Variants in CLMN observed in about 807,000 individuals in gnomAD.
CLMN encodes the protein calmin (calponin-like, transmembrane).
In CLMN, 57 loss-of-function variants were observed where a neutral mutation model predicts 92.7. The ratio of observed to expected loss-of-function variants is 0.61; its 90% CI spans 0.50 to 0.77. The LOEUF is 0.77. CLMN is among the 30% of genes least tolerant of loss of function. The pLI, the probability that CLMN is intolerant of heterozygous loss-of-function variation, is 0.00. For missense variants in CLMN, 1,158 were observed against 1,237.5 expected, an observed-to-expected ratio of 0.94 and a Z score of 0.96; for synonymous variants, 466 against 470.6, an observed-to-expected ratio of 0.99 and a Z score of 0.13.
At chr14:95,228,771 T>C (rs1355015441) in intron 2 of CLMN, among the ~76,000 whole-genome samples, 1 of 152,058 alleles carries the variant, frequency 6.6e-6, no homozygotes, top group Non-Finnish European at 1.5e-5. Flanking sequence ...ACCTCCTGGG[T>C]TCAAGCGATT....
intron 8 of CLMN, among the ~76,000 whole-genome samples, chr14:95,204,730 T>G (rs935422853): frequency 6.6e-6 from 1 of 152,220 alleles, no homozygotes. Context: ...TTTAAAAAGC[T>G]ATGGATTAAC....
intron 1 of CLMN, among the ~76,000 whole-genome samples, chr14:95,309,284 T>C (rs371306045): frequency 6.6e-6 from 1 of 152,206 alleles, no homozygotes; most frequent in South Asian, 2.1e-4. Flanking sequence ...CTAAATAAAC[T>C]GTGATATTTC....
chr14:95,306,105 C>G (rs1381122387), intron 1 of CLMN, among the ~76,000 whole-genome samples: 1 of 152,084 alleles, frequency 6.6e-6, no homozygotes, highest in African/African-American at 2.4e-5. Context: ...AGGAGAGAAG[C>G]GAGGGGGACC....
chr14:95,222,244 C>T lies in CLMN; in HGVS notation c.241-470G>A, dbSNP rs554138210. Among the ~76,000 whole-genome samples the T allele has an allele frequency of 1.1e-3, 175 of 152,268 alleles. 2 individuals carry two copies. The highest frequency in any genetic ancestry group is 3.9e-3 in the South Asian group (19 of 4,820). On this transcript the variant is annotated intron_variant, in intron 3 of 12. Coordinates refer to ENST00000298912, the MANE Select transcript of CLMN (RefSeq NM_024734.4). ...ATCCAGCCGAGGTCCTCCCCAGTGG[C>T]GGCAGATGTTTCTGTTTTCTAGCCA...
At chr14:95,233,839 C>A (rs138910551) in intron 1 of CLMN, among the ~76,000 whole-genome samples, 3 of 152,252 alleles carry the variant, frequency 2.0e-5, no homozygotes, top group Admixed American at 2.0e-4. Flanking sequence ...GGTTTCACTT[C>A]TGCTCTAGCC....
chr14:95,275,556 T>C (rs1053799418), intron 1 of CLMN, among the ~76,000 whole-genome samples: 1 of 152,146 alleles, frequency 6.6e-6, no homozygotes, highest in Admixed American at 6.5e-5. Context: ...TCCTGAAAAC[T>C]CATAAATAAT....
At chr14:95,279,999 G>T (rs985400731) in intron 1 of CLMN, among the ~76,000 whole-genome samples, 9 of 152,016 alleles carry the variant, frequency 5.9e-5, no homozygotes, top group Admixed American at 3.3e-4. Context: ...AGTATAAAGG[G>T]TTAAAGGATT....
In CLMN at chr14:95,190,452, G is replaced by C. The variant is rs1473016186; in HGVS notation, c.*1112C>G. 1 of 152,470 alleles carries C rather than the reference G, an allele frequency of 6.6e-6. No homozygotes were observed. Among genetic ancestry groups the C allele is most frequent in the Non-Finnish European group, 1.5e-5 (1 of 68,238 alleles). The allele number at this position is 152,470 out of a possible 1,614,324, so 9.4% of individuals were successfully genotyped here. A position where few individuals can be genotyped will look rare whatever the true frequency, so the allele number is the denominator to read the frequency against. On this transcript the variant is annotated 3_prime_UTR_variant, in exon 13 of 13. Transcript: ENST00000298912. The stretch of plus-strand genomic sequence containing the variant: ...CCTGGTACATGCTTTCTGAAGGGGA[G>C]AGCAAGGGGAGGAGGAACCAATGCA...
chr14:95,182,961 G>C lies in CLMN; in HGVS notation c.*8603C>G, dbSNP rs1397808950. The C allele has an allele frequency of 6.6e-6, 1 of 152,218 alleles. No individual in the cohort carries two copies. The highest frequency in any genetic ancestry group is 1.5e-5 in the Non-Finnish European group (1 of 68,052). The allele number at this position is 152,218 out of a possible 1,614,324, so 9.4% of individuals were successfully genotyped here. On this transcript the variant is annotated 3_prime_UTR_variant, in exon 13 of 13. Transcript: ENST00000298912. ...ACTCTTCCCAAAGGCACCTTTCTCA[G>C]ATACTAAAGCCAAGAAGCACTGCCC...
intron 1 of CLMN, among the ~76,000 whole-genome samples, chr14:95,268,425 T>C (rs1384811697): frequency 1.3e-5 from 2 of 151,762 alleles, no homozygotes; most frequent in African/African-American, 2.4e-5. Context: ...CCATGATTCT[T>C]ACTGATACAA....
At position 95,210,801 on chromosome 14, in the gene CLMN, G is replaced by A. The variant is rs774066625; in HGVS notation, c.687C>T (p.Asp229=). The A allele has an allele frequency of 1.3e-6, 2 of 1,593,672 alleles. No homozygotes were observed. Among genetic ancestry groups the A allele is most frequent in the East Asian group, 2.3e-5 (1 of 43,322 alleles). Residue 229 remains aspartate (D), a synonymous_variant, in exon 7 of 13, where the codon GAC becomes GAT. Coordinates refer to ENST00000298912, the MANE Select transcript of CLMN (RefSeq NM_024734.4). ...CCTGTTTCATGTCCACCAGGCTGGG[G>A]TCAATGGCCTTGATCACCGCCAGGA... ...LAFLAVIKAI[D]PSLVDMKQAL...
intron 1 of CLMN, among the ~76,000 whole-genome samples, chr14:95,241,161 C>A (rs904670055): frequency 6.6e-6 from 1 of 151,986 alleles, no homozygotes; most frequent in African/African-American, 2.4e-5. Flanking sequence ...TAATAAAACC[C>A]CACACTCACC....
intron 2 of CLMN, among the ~76,000 whole-genome samples, chr14:95,225,766 A>T (rs1428234160): frequency 1.3e-5 from 2 of 152,196 alleles, no homozygotes; most frequent in Non-Finnish European, 2.9e-5. Context: ...CCTAAACAGG[A>T]TCTAGAGTGT....
intron 1 of CLMN, among the ~76,000 whole-genome samples, chr14:95,293,659 G>A (rs1025428629): frequency 1.3e-4 from 19 of 151,998 alleles, no homozygotes; most frequent in African/African-American, 4.3e-4. Context: ...ACATGTGGGT[G>A]TACTGCGCCC....
chr14:95,244,343 T>C (rs902507880), intron 1 of CLMN, among the ~76,000 whole-genome samples: 1 of 152,154 alleles, frequency 6.6e-6, no homozygotes, highest in Non-Finnish European at 1.5e-5. Context: ...GCAGCTCTAG[T>C]AGCCTAATTT....
At chr14:95,237,913 AGCGTCCTTG>A (rs1207181310) in intron 1 of CLMN, among the ~76,000 whole-genome samples, 1 of 152,192 alleles carries the variant, frequency 6.6e-6, no homozygotes, top group East Asian at 1.9e-4. Context: ...TCTAACTGCA[AGCGTCCTTG>A]GCTCACATCA....
chr14:95,245,142 G>A lies in CLMN; in HGVS notation c.83-15009C>T, dbSNP rs1464496805. 1.2e-4 allele frequency among the ~76,000 whole-genome samples: 10 copies of A among 84,266 alleles called. 1 individual carries two copies. The highest frequency in any genetic ancestry group is 6.5e-4 in the Admixed American group (4 of 6,198). The allele number at this position is 84,266 out of a possible 152,430, so 55.3% of individuals were successfully genotyped here. ...AAGTTCAAGGATGAATTTCCTGACCGCAAAGTGAAAAAGGAACTGTAACTG... is the reference window on the plus strand; with the variant it reads ...AAGTTCAAGGATGAATTTCCTGACCACAAAGTGAAAAAGGAACTGTAACTG... On this transcript the variant is annotated intron_variant, in intron 1 of 12. Coordinates refer to ENST00000298912, the MANE Select transcript of CLMN (RefSeq NM_024734.4).
At chr14:95,273,876 C>G (rs889407376) in intron 1 of CLMN, among the ~76,000 whole-genome samples, 3 of 152,154 alleles carry the variant, frequency 2.0e-5, no homozygotes, top group African/African-American at 4.8e-5. Context: ...ACCGATCGTA[C>G]ATGAACCTCA....
At chr14:95,244,781 G>T (rs548091445) in intron 1 of CLMN, among the ~76,000 whole-genome samples, 12 of 152,062 alleles carry the variant, frequency 7.9e-5, no homozygotes, top group Admixed American at 3.3e-4. Context: ...GCTAAAAGAA[G>T]GACATATCAT....
Sources: allele counts gnomAD v4.1 joint callset (sites outside exome capture counted in the v4.1 genomes callset), GRCh38; gene constraint gnomAD v4.1.1; transcripts MANE v1.5; gene names NCBI Gene and HGNC (gene_info 2026-07-23, HGNC 2026-07-21).